The following POC1A variants were observed in gnomAD, a reference collection of about 807,000 sequenced individuals.
POC1A encodes POC1 centriolar protein homolog A.
A neutral mutation model predicts 47.8 loss-of-function variants in POC1A; 34 were observed. The observed-to-expected ratio is 0.71, with a 90% confidence interval of 0.54 to 0.95. The LOEUF (loss-of-function observed/expected upper bound fraction) is 0.95, where lower values mean the gene tolerates loss of function less well. POC1A is among the 40% of genes least tolerant of loss of function. The pLI is 0.00. For missense variants in POC1A, 466 were observed against 528.3 expected (o/e 0.88, Z 1.16); for synonymous variants, 177 against 207.6 (o/e 0.85, Z 1.27).
At chr3:52,117,226 G>A (rs1028783916) in intron 9 of POC1A, among the ~76,000 whole-genome samples, 4 of 151,890 alleles carry the variant, frequency 2.6e-5, no homozygotes, top group African/African-American at 7.3e-5. Context: ...GGGGGCACAC[G>A]CCTATAGTCC....
intron 6 of POC1A, 29 bp downstream of exon 6, chr3:52,145,817 T>A: frequency 6.8e-7 from 1 of 1,460,582 alleles, no homozygotes; most frequent in Non-Finnish European, 9.6e-7. Context: ...AGGGCTGCCC[T>A]TGGGCCCAGG....
At chr3:52,131,756 G>C (rs1184615807) in intron 7 of POC1A, among the ~76,000 whole-genome samples, 1 of 152,178 alleles carries the variant, frequency 6.6e-6, no homozygotes, top group African/African-American at 2.4e-5. Context: ...GACAAGAGAA[G>C]CCAAAGCAAA....
At chr3:52,128,337 C>A (rs73082781) in intron 7 of POC1A, among the ~76,000 whole-genome samples, 1 of 152,318 alleles carries the variant, frequency 6.6e-6, no homozygotes, top group Non-Finnish European at 1.5e-5. Context: ...CAGCAGGGGT[C>A]AGGACCAGAG....
intron 7 of POC1A, among the ~76,000 whole-genome samples, chr3:52,127,687 C>G (rs1455569785): frequency 6.6e-6 from 1 of 151,666 alleles, no homozygotes; most frequent in African/African-American, 2.4e-5. Flanking sequence ...GCCACTGCAC[C>G]CAGTCACAAA....
At chr3:52,099,438 G>T (rs1221455618) in intron 9 of POC1A, among the ~76,000 whole-genome samples, 3 of 152,200 alleles carry the variant, frequency 2.0e-5, no homozygotes, top group Non-Finnish European at 4.4e-5. Flanking sequence ...TAATGACAGT[G>T]GCAGAATAAC....
At chr3:52,103,232 T>A (rs1703058675) in intron 9 of POC1A, among the ~76,000 whole-genome samples, 1 of 152,174 alleles carries the variant, frequency 6.6e-6, no homozygotes, top group Non-Finnish European at 1.5e-5. Context: ...AAGTGTAAAA[T>A]CTAAAACTGT....
chr3:52,076,379 T>C (rs773739657), intron 10 of POC1A, among the ~76,000 whole-genome samples: 3 of 152,164 alleles, frequency 2.0e-5, no homozygotes, highest in Non-Finnish European at 4.4e-5. Context: ...GCACTGTCCA[T>C]AAACAACTGG....
chr3:52,144,670 C>T (rs1055972091), intron 6 of POC1A, among the ~76,000 whole-genome samples: 1 of 152,192 alleles, frequency 6.6e-6, no homozygotes, highest in African/African-American at 2.4e-5. Flanking sequence ...ATCATTGTCC[C>T]AGAGGCCCCA....
At chr3:52,135,625 C>T (rs963757292) in intron 7 of POC1A, among the ~76,000 whole-genome samples, 1 of 152,200 alleles carries the variant, frequency 6.6e-6, no homozygotes, top group Non-Finnish European at 1.5e-5. Context: ...CAAACGCTGG[C>T]AGACCTGGGT....
At chr3:52,107,090 G>A (rs771034032) in intron 9 of POC1A, among the ~76,000 whole-genome samples, 1 of 152,230 alleles carries the variant, frequency 6.6e-6, no homozygotes, top group African/African-American at 2.4e-5. Flanking sequence ...GGGAGGTGAC[G>A]GCTAAGTAAC....
chr3:52,109,703 G>C (rs1485555454), intron 9 of POC1A, among the ~76,000 whole-genome samples: 1 of 152,098 alleles, frequency 6.6e-6, no homozygotes. Context: ...TGATGGCAAC[G>C]AGTACTCAGC....
At chr3:52,148,981 G>T (rs969306080) in intron 4 of POC1A, among the ~76,000 whole-genome samples, 20 of 152,226 alleles carry the variant, frequency 1.3e-4, no homozygotes, top group African/African-American at 4.8e-4. Context: ...CATCATGGCT[G>T]ACTATGGACT....
chr3:52,081,919 T>C (rs1702308520), intron 10 of POC1A, among the ~76,000 whole-genome samples: 2 of 152,084 alleles, frequency 1.3e-5, no homozygotes, highest in South Asian at 4.2e-4. Context: ...GAAGCACCAG[T>C]ACCTGGTGAC....
chr3:52,078,567 G>C (rs1702189132), intron 10 of POC1A, among the ~76,000 whole-genome samples: 1 of 142,590 alleles, frequency 7.0e-6, no homozygotes, highest in South Asian at 2.2e-4. Flanking sequence ...CTGAAGTGCA[G>C]TGGCGCGATC....
At chr3:52,112,366 G>A (rs537408280) in intron 9 of POC1A, among the ~76,000 whole-genome samples, 5 of 152,304 alleles carry the variant, frequency 3.3e-5, no homozygotes, top group African/African-American at 4.8e-5. Context: ...TTGGCTGGGC[G>A]TGGTGGCTCA....
chr3:52,082,232 G>A (rs1047239813), intron 10 of POC1A, among the ~76,000 whole-genome samples: 1 of 152,194 alleles, frequency 6.6e-6, no homozygotes, highest in African/African-American at 2.4e-5. Context: ...CCTGCAGGCT[G>A]GAGAGCAGAG....
At position 52,149,824 on chromosome 3, in the gene POC1A, T is replaced by C; in HGVS notation, c.267A>G (p.Val89=). 6.2e-7 allele frequency: 1 copy of C among 1,613,096 alleles called. No individual in the cohort carries two copies. The highest frequency in any genetic ancestry group is 8.5e-7 in the Non-Finnish European group (1 of 1,179,664). The change falls in exon 3 of 11, where the codon GTA becomes GTG. Residue 89 remains valine, a synonymous_variant. Coordinates refer to ENST00000296484, the MANE Select transcript of POC1A (RefSeq NM_015426.5). Reference sequence around the variant, plus strand: ...CAAAGTGTACGACTCACACATTGGGTACCCAGATGCGGACAGTCTTGTCTC... The same window carrying C: ...CAAAGTGTACGACTCACACATTGGGCACCCAGATGCGGACAGTCTTGTCTC... The part of the protein sequence containing the change: ...GSRDKTVRIW[V]PNVKGESTVF...
At chr3:52,088,862 TCCCAGCCCTCC>T (rs1031783443) in intron 10 of POC1A, among the ~76,000 whole-genome samples, 9 of 145,860 alleles carry the variant, frequency 6.2e-5, no homozygotes, top group African/African-American at 1.8e-4. Flanking sequence ...TCCCGCCATC[TCCCAGCCCTCC>T]CCCAGCCCTC....
chr3:52,083,624 C>A (rs562113185), intron 10 of POC1A, among the ~76,000 whole-genome samples: 23 of 152,284 alleles, frequency 1.5e-4, no homozygotes, highest in African/African-American at 5.5e-4. Flanking sequence ...TTTCTATTTC[C>A]TTTCAAGGCC....
Sources: gnomAD v4.1 joint callset for allele counts (sites outside exome capture counted in the v4.1 genomes callset) on GRCh38, gnomAD v4.1.1 for gene constraint, MANE v1.5 for transcripts, NCBI Gene and HGNC (gene_info 2026-07-23, HGNC 2026-07-21) for gene names.